LUC7L2: variants seen among roughly 807,000 people sequenced by gnomAD.
LUC7L2 encodes the protein LUC7 like 2, pre-mRNA splicing factor.
In LUC7L2, 25 loss-of-function variants were observed where a neutral mutation model predicts 52.8. The ratio of observed to expected loss-of-function variants is 0.47; its 90% CI spans 0.34 to 0.66. The LOEUF (loss-of-function observed/expected upper bound fraction) is 0.66. Ranked by LOEUF, LUC7L2 falls within the 30% of genes least tolerant of loss-of-function variation. LUC7L2 has a pLI of 0.01. For synonymous variants in LUC7L2, 144 were observed against 160.9 expected (o/e 0.89, Z 0.80); for missense variants, 328 against 497.8 (o/e 0.66, Z 3.25).
At chr7:139,370,758 C>A (rs183366385) in intron 1 of LUC7L2, among the ~76,000 whole-genome samples, 59 of 152,310 alleles carry the variant, frequency 3.9e-4, no homozygotes, top group African/African-American at 1.3e-3. Context: ...CCCAGTGACA[C>A]AAGGTTTTAC....
At chr7:139,355,365 A>C (rs978201732), upstream of LUC7L2, among the ~76,000 whole-genome samples, 6 of 151,518 alleles carry the variant, frequency 4.0e-5, no homozygotes, top group Non-Finnish European at 8.8e-5. Flanking sequence ...TTTTTTTTAC[A>C]AATACATGTT....
chr7:139,375,938 C>T (rs1233023745), intron 1 of LUC7L2, 124 bp from the exon 2 acceptor site: 2 of 917,274 alleles, frequency 2.2e-6, no homozygotes, highest in South Asian at 1.9e-5. Flanking sequence ...AAAAACTAAT[C>T]CCTCTTGAGC....
At chr7:139,415,161 C>T (rs1177328689) in intron 8 of LUC7L2, among the ~76,000 whole-genome samples, 1 of 150,470 alleles carries the variant, frequency 6.6e-6, no homozygotes, top group East Asian at 2.0e-4. Context: ...ATCCGCCTGC[C>T]TCAGCCTTCC....
chr7:139,375,065 C>T (rs1800637559), intron 1 of LUC7L2: 1 of 983,238 alleles, frequency 1.0e-6, no homozygotes, highest in Non-Finnish European at 1.2e-6. Flanking sequence ...AAATAAAACA[C>T]CTACATTTCT....
In LUC7L2 at chr7:139,374,612, A is replaced by G. The variant is rs561410429; in HGVS notation, c.62-1450A>G. ...AAACTGAATATTCCAAATTGTGTCA[A>G]AAATAACCTACTAGAGACGAGCTTC... On this transcript the variant is annotated intron_variant, in intron 1 of 9. Coordinates refer to ENST00000354926, the MANE Select transcript of LUC7L2 (RefSeq NM_016019.5). 339 of 1,491,970 alleles carry G rather than the reference A, an allele frequency of 2.3e-4. 6 individuals carry two copies. In the South Asian group the frequency reaches 4.2e-3, roughly 19 times the overall value. 92.4% of individuals were successfully genotyped at this position (1,491,970 alleles called of 1,614,324 possible). A position where few individuals can be genotyped will look rare whatever the true frequency, so the allele number is the denominator to read the frequency against.
intron 1 of LUC7L2, among the ~76,000 whole-genome samples, chr7:139,342,767 C>CT (rs2131137565): frequency 6.6e-6 from 1 of 152,242 alleles, no homozygotes; most frequent in African/African-American, 2.4e-5. Flanking sequence ...TGGCCCCATT[C>CT]TAAGATTTTT....
At chr7:139,415,912 G>A (rs966738628) in intron 8 of LUC7L2, among the ~76,000 whole-genome samples, 1 of 151,554 alleles carries the variant, frequency 6.6e-6, no homozygotes, top group South Asian at 2.1e-4. Context: ...ATAACAATCA[G>A]TTGAAGATAA....
chr7:139,415,001 C>G (rs1399929283), intron 8 of LUC7L2, among the ~76,000 whole-genome samples: 1 of 150,970 alleles, frequency 6.6e-6, no homozygotes, highest in Admixed American at 6.6e-5. Flanking sequence ...ATTCTTCTAC[C>G]TTAGGCTCCC....
chr7:139,419,830 G>A (rs1187420466), intron 9 of LUC7L2, among the ~76,000 whole-genome samples: 1 of 152,064 alleles, frequency 6.6e-6, no homozygotes, highest in Admixed American at 6.6e-5. Context: ...TGCTTTTCTC[G>A]AGCACTTTCT....
At chr7:139,382,258 C>G (rs1585096568) in intron 2 of LUC7L2, among the ~76,000 whole-genome samples, 1 of 152,116 alleles carries the variant, frequency 6.6e-6, no homozygotes, top group Non-Finnish European at 1.5e-5. Context: ...CTCTTGACCT[C>G]AAGTGATCTG....
chr7:139,410,108 G>C (rs553311238), intron 7 of LUC7L2, among the ~76,000 whole-genome samples: 125 of 152,176 alleles, frequency 8.2e-4, no homozygotes, highest in African/African-American at 2.8e-3. Context: ...GCGGGAGGCT[G>C]AGGCAGGAGA....
chr7:139,402,370 C>T (rs765436154), intron 4 of LUC7L2, 123 bp downstream of exon 4: 4 of 918,512 alleles, frequency 4.4e-6, no homozygotes, highest in Non-Finnish European at 6.2e-6. Flanking sequence ...ATTCTGTATA[C>T]TTTCTTGTCT....
upstream of LUC7L2, among the ~76,000 whole-genome samples, chr7:139,358,708 G>T (rs192350765): frequency 4.6e-5 from 7 of 151,106 alleles, no homozygotes; most frequent in Non-Finnish European, 1.0e-4. Context: ...TTTTTTTTTA[G>T]AAGTCTCGCT....
intron 3 of LUC7L2, among the ~76,000 whole-genome samples, chr7:139,399,891 CATAAAA>C (rs1794830087): frequency 7.0e-6 from 1 of 142,802 alleles, no homozygotes; most frequent in African/African-American, 3.0e-5. Flanking sequence ...AAATCGTTTG[CATAAAA>C]ATAAAGTTTT....
At chr7:139,371,453 G>A (rs1800445529) in intron 1 of LUC7L2, 2 of 1,545,116 alleles carry the variant, frequency 1.3e-6, no homozygotes, top group Non-Finnish European at 8.8e-7. Context: ...AGGGAGCATC[G>A]GAGAGAATGG....
intron 2 of LUC7L2, among the ~76,000 whole-genome samples, chr7:139,391,359 A>G (rs563402698): frequency 5.3e-5 from 8 of 152,336 alleles, no homozygotes; most frequent in African/African-American, 1.7e-4. Flanking sequence ...CAAATGTTCA[A>G]ACACATAACA....
intron 2 of LUC7L2, among the ~76,000 whole-genome samples, chr7:139,389,073 C>T (rs1253553411): frequency 4.1e-5 from 6 of 145,076 alleles, no homozygotes; most frequent in Admixed American, 3.4e-4. Context: ...TTTAATTCTT[C>T]GGCACTCTGG....
At chr7:139,414,061 A>G (rs1173194687) in intron 8 of LUC7L2, among the ~76,000 whole-genome samples, 2 of 152,214 alleles carry the variant, frequency 1.3e-5, no homozygotes. Context: ...TTTAATTTCT[A>G]TTCCTCTAGT....
chr7:139,407,004 T>TTTTTTG (rs1391310665), intron 5 of LUC7L2, among the ~76,000 whole-genome samples, 170 bp from the exon 6 acceptor site: 8 of 143,046 alleles, frequency 5.6e-5, no homozygotes, highest in African/African-American at 2.1e-4. Flanking sequence ...TTTTGTGGTT[T>TTTTTTG]TTTTTTTTTT....
Sources: gnomAD v4.1 joint callset for allele counts (sites outside exome capture counted in the v4.1 genomes callset) on GRCh38, gnomAD v4.1.1 for gene constraint, MANE v1.5 for transcripts, NCBI Gene and HGNC (gene_info 2026-07-23, HGNC 2026-07-21) for gene names.